Variants in LPCAT1 observed in about 807,000 individuals in gnomAD.
LPCAT1 encodes 1-acylglycerol-3-phosphate O-acyltransferase.
A neutral mutation model predicts 60.9 loss-of-function variants in LPCAT1; 23 were observed. That is an observed-to-expected ratio of 0.38 (90% confidence interval 0.27 to 0.53). The LOEUF (loss-of-function observed/expected upper bound fraction) is 0.53. Ranked by LOEUF, LPCAT1 falls within the 20% of genes least tolerant of loss-of-function variation. LPCAT1 has a pLI of 0.82. For synonymous variants in LPCAT1, 340 were observed against 301.1 expected (o/e 1.13, Z -1.34); for missense variants, 622 against 723.6 (o/e 0.86, Z 1.61).
chr5:1,519,503 T>C (rs115290450), intron 1 of LPCAT1, among the ~76,000 whole-genome samples: 1 of 152,198 alleles, frequency 6.6e-6, no homozygotes, highest in Non-Finnish European at 1.5e-5. Flanking sequence ...TTCGGAAAAT[T>C]AGACAGGATT....
At position 1,495,082 on chromosome 5, in the gene LPCAT1, GCC is replaced by G. The variant is rs1735737231; in HGVS notation, c.279-170_279-169del. 6.6e-6 allele frequency among the ~76,000 whole-genome samples: 1 copy of G among 152,184 alleles called. No individual in the cohort carries two copies. The highest frequency in any genetic ancestry group is 2.4e-5 in the African/African-American group (1 of 41,446). ...TGCTTGAGGGAAGAAAAGACGCCGC[GCC>G]TTCCTGGCCTCCGCCTGTGTCCTCG... On this transcript the variant is annotated intron_variant, in intron 2 of 13. Transcript: ENST00000283415. This position sits in a 1 kb window ranked among gnomAD's most constrained non-coding sequence, Gnocchi z 4.7.
At position 1,476,353 on chromosome 5, in the gene LPCAT1, A is replaced by G. The variant is rs1734917321; in HGVS notation, c.899+1051T>C. Among the ~76,000 whole-genome samples the G allele has an allele frequency of 1.3e-5, 2 of 152,078 alleles. No individual in the cohort carries two copies. Among genetic ancestry groups the G allele is most frequent in the African/African-American group, 4.8e-5 (2 of 41,404 alleles). ...TTGCGGGACAGAGACTGCCGGGCCC[A>G]TTTCTACCCTCGGACACATGCTTTG... On this transcript the variant is annotated intron_variant, in intron 9 of 13. Coordinates refer to ENST00000283415, the MANE Select transcript of LPCAT1 (RefSeq NM_024830.5). The surrounding 1 kb of genome is among the most constrained non-coding windows in gnomAD (Gnocchi z 8.6).
chr5:1,511,559 C>T lies in LPCAT1; in HGVS notation c.136-9956G>A, dbSNP rs150879192. ...CTCGCTCACCCTACTTGGGGATGCA[C>T]CTGCTCACCTCGCTCACCCTACGTG... On this transcript the variant is annotated intron_variant, in intron 1 of 13. Coordinates refer to ENST00000283415, the MANE Select transcript of LPCAT1 (RefSeq NM_024830.5). Among the ~76,000 whole-genome samples the T allele has an allele frequency of 3.9e-3, 590 of 152,120 alleles. 3 individuals carry two copies. The highest frequency in any genetic ancestry group is 3.1e-3 in the Non-Finnish European group (212 of 67,938).
chr5:1,474,066 T>G lies in LPCAT1; in HGVS notation c.1070A>C (p.Glu357Ala), dbSNP rs1176071642. ...KLEKDLDRYS[E>A]RARMKGGEKI... ...CTCTCCTCCCTTCATCCTGGCTCTT[T>G]CTGAGTATCTGTCCAGATCTTTTTC... The change falls in exon 11 of 14, where the codon GAA becomes GCA. Residue 357 changes from glutamate (E) to alanine (A), a missense_variant. Physicochemically the swap from Glu to Ala is moderately radical, Grantham distance 107. Transcript: ENST00000283415. 3 of 1,614,190 alleles carry G rather than the reference T, an allele frequency of 1.9e-6. No homozygotes were observed. The highest frequency in any genetic ancestry group is 2.5e-6 in the Non-Finnish European group (3 of 1,180,024).
chr5:1,518,336 TTTTC>T (rs1311356442), intron 1 of LPCAT1, among the ~76,000 whole-genome samples: 2 of 152,116 alleles, frequency 1.3e-5, no homozygotes, highest in Non-Finnish European at 2.9e-5. Flanking sequence ...AGTAAAAACT[TTTTC>T]TTTATCTTTT....
In LPCAT1 at chr5:1,463,874, C is replaced by T. The variant is rs757886431; in HGVS notation, c.1421-39G>A. 12 of 1,601,538 alleles carry T rather than the reference C, an allele frequency of 7.5e-6. No individual in the cohort carries two copies. The East Asian group carries it at 2.0e-4, about 27-fold the overall frequency. On this transcript the variant is annotated intron_variant, in intron 13 of 13. Transcript: ENST00000283415. ...GGCACCTGTGGTTATGGAATGGGGACGAGCAAATGTCTAGGATTTGGAGGC... is the reference window on the plus strand; with the variant it reads ...GGCACCTGTGGTTATGGAATGGGGATGAGCAAATGTCTAGGATTTGGAGGC...
chr5:1,509,013 G>T (rs181569313), intron 1 of LPCAT1, among the ~76,000 whole-genome samples: 1 of 152,274 alleles, frequency 6.6e-6, no homozygotes, highest in Non-Finnish European at 1.5e-5. Context: ...GGGGTGCTGC[G>T]GTGAGGCCCA....
chr5:1,501,419 GA>G (rs1466889068), intron 2 of LPCAT1, 41 bp downstream of exon 2: 1 of 1,567,878 alleles, frequency 6.4e-7, no homozygotes, highest in Admixed American at 1.9e-5. Context: ...TTGGCCGCGT[GA>G]CCCCCCCCCA....
In LPCAT1 at chr5:1,503,640, C is replaced by T. The variant is rs1052750794; in HGVS notation, c.136-2037G>A. Among the ~76,000 whole-genome samples the T allele has an allele frequency of 3.3e-5, 5 of 152,360 alleles. No individual in the cohort carries two copies. In the East Asian group the frequency reaches 5.8e-4, roughly 18 times the overall value. Reference sequence around the variant, plus strand: ...TGTCACTTCCTCCCAGCGGCTTCCTCGTGCAGTCGCCCTACGAAACCAGCG... The same window carrying T: ...TGTCACTTCCTCCCAGCGGCTTCCTTGTGCAGTCGCCCTACGAAACCAGCG... On this transcript the variant is annotated intron_variant, in intron 1 of 13. Transcript: ENST00000283415.
In LPCAT1 at chr5:1,487,408, G is replaced by GCA. The variant is rs1199772576; in HGVS notation, c.667+981_667+982dup. 6.6e-6 allele frequency among the ~76,000 whole-genome samples: 1 copy of GCA among 152,202 alleles called. No homozygotes were observed. Among genetic ancestry groups the GCA allele is most frequent in the Non-Finnish European group, 1.5e-5 (1 of 68,030 alleles). On this transcript the variant is annotated intron_variant, in intron 5 of 13. Coordinates refer to ENST00000283415, the MANE Select transcript of LPCAT1 (RefSeq NM_024830.5). This position sits in a 1 kb window ranked among gnomAD's most constrained non-coding sequence, Gnocchi z 6.1. ...AAGACCCAGTACCTTCCAGTGAGCT[G>GCA]CACCTTGAAGCCTCTGGAAGCAAAA...
intron 7 of LPCAT1, 137 bp from the exon 8 acceptor site, chr5:1,479,812 G>A (rs1735062241): frequency 2.9e-6 from 2 of 682,278 alleles, no homozygotes; most frequent in South Asian, 3.3e-5. Flanking sequence ...CACGGAGGGG[G>A]TGCCGTGCCC....
At chr5:1,513,286 T>C (rs1736410164) in intron 1 of LPCAT1, among the ~76,000 whole-genome samples, 2 of 152,134 alleles carry the variant, frequency 1.3e-5, no homozygotes, top group Non-Finnish European at 2.9e-5. Flanking sequence ...CAGAGTTCTG[T>C]CCCTCTGGTC....
At chr5:1,501,329 G>A (rs1735995280) in intron 2 of LPCAT1, 132 bp downstream of exon 2, 2 of 1,274,842 alleles carry the variant, frequency 1.6e-6, no homozygotes, top group African/African-American at 1.5e-5. Flanking sequence ...CAGCCCTGGT[G>A]GACGCTGGGC....
chr5:1,466,504 G>A (rs1233297818), intron 13 of LPCAT1, among the ~76,000 whole-genome samples: 1 of 152,212 alleles, frequency 6.6e-6, no homozygotes. Context: ...CAGAGCTTCG[G>A]AACTGGGCTT....
At chr5:1,507,634 C>T (rs950530488) in intron 1 of LPCAT1, among the ~76,000 whole-genome samples, 4 of 152,140 alleles carry the variant, frequency 2.6e-5, no homozygotes, top group African/African-American at 7.2e-5. Context: ...CGGGCGCGAG[C>T]GCTCACGCCT....
chr5:1,480,645 G>A lies in LPCAT1; in HGVS notation c.761+297C>T, dbSNP rs1314357431. Among the ~76,000 whole-genome samples, 1 of 152,118 alleles carries A rather than the reference G, an allele frequency of 6.6e-6. No homozygotes were observed. Among genetic ancestry groups the A allele is most frequent in the African/African-American group, 2.4e-5 (1 of 41,418 alleles). ...CCCTAAATCTCCACTTTCCTTACCA[G>A]GGGCCACCAGGTGGACGATCGTAAT... On this transcript the variant is annotated intron_variant, in intron 7 of 13. Coordinates refer to ENST00000283415, the MANE Select transcript of LPCAT1 (RefSeq NM_024830.5). The surrounding 1 kb of genome is among the most constrained non-coding windows in gnomAD (Gnocchi z 6.4).
In LPCAT1 at chr5:1,481,850, C is replaced by T. The variant is rs1307893900; in HGVS notation, c.727-874G>A. Among the ~76,000 whole-genome samples the T allele has an allele frequency of 1.3e-5, 2 of 152,240 alleles. No homozygotes were observed. Among genetic ancestry groups the T allele is most frequent in the Non-Finnish European group, 2.9e-5 (2 of 68,046 alleles). ...TCAGTCGTGTGACTACCGGCCCTGA[C>T]TCCATTTTATTACCTGACCGTCAGC... On this transcript the variant is annotated intron_variant, in intron 6 of 13. Coordinates refer to ENST00000283415, the MANE Select transcript of LPCAT1 (RefSeq NM_024830.5). The surrounding 1 kb of genome is among the most constrained non-coding windows in gnomAD (Gnocchi z 7.8).
rs995255697 is a variant in LPCAT1, at chr5:1,503,676, C to A, written c.136-2073G>T. Reference sequence around the variant, plus strand: ...CCTACGAAACCAGCGTGCACCCATGCCTGCCGGCAGCTCCTGACCGTTGCT... The same window carrying A: ...CCTACGAAACCAGCGTGCACCCATGACTGCCGGCAGCTCCTGACCGTTGCT... On this transcript the variant is annotated intron_variant, in intron 1 of 13. Transcript: ENST00000283415. 5.6e-4 allele frequency among the ~76,000 whole-genome samples: 85 copies of A among 152,248 alleles called. 4 individuals are homozygous for A. Among genetic ancestry groups the A allele is most frequent in the Non-Finnish European group, 2.9e-5 (2 of 68,040 alleles).
intron 13 of LPCAT1, among the ~76,000 whole-genome samples, chr5:1,464,549 C>T (rs1379654327): frequency 6.6e-6 from 1 of 152,178 alleles, no homozygotes; most frequent in Admixed American, 6.5e-5. Flanking sequence ...AACAAGCGCA[C>T]GCATGCACAC....
Sources: allele counts gnomAD v4.1 joint callset (sites outside exome capture counted in the v4.1 genomes callset), GRCh38; gene constraint gnomAD v4.1.1; non-coding constraint Gnocchi (gnomAD v3.1); transcripts MANE v1.5; gene names NCBI Gene and HGNC (gene_info 2026-07-23, HGNC 2026-07-21).